The following MICAL2 variants were observed in gnomAD, a reference collection of about 807,000 sequenced individuals.
The protein encoded by MICAL2 is microtubule associated monooxygenase, calponin and LIM domain containing 2.
MICAL2 carries 77 observed loss-of-function variants against 127.3 expected under a neutral mutation model. The ratio of observed to expected loss-of-function variants is 0.60; its 90% CI spans 0.50 to 0.73. The LOEUF (loss-of-function observed/expected upper bound fraction) is 0.73, where lower values mean the gene tolerates loss of function less well. Among genes scored for constraint, MICAL2 ranks in the 30% least tolerant of loss-of-function variants. MICAL2 has a pLI of 0.00. For synonymous variants in MICAL2, 570 were observed against 551.1 expected, an observed-to-expected ratio of 1.03 and a Z score of -0.48; for missense variants, 1,351 against 1,434.4, an observed-to-expected ratio of 0.94 and a Z score of 0.94.
chr11:12,332,884 G>A (rs146800851), intron 32 of MICAL2, among the ~76,000 whole-genome samples: 2 of 152,160 alleles, frequency 1.3e-5, no homozygotes, highest in Non-Finnish European at 2.9e-5. Flanking sequence ...TCAGAGGATG[G>A]TAGGGCCTTG....
downstream of MICAL2, chr11:12,292,224 A>AT (rs1173410598): frequency 6.2e-7 from 1 of 1,613,774 alleles, no homozygotes; most frequent in Non-Finnish European, 8.5e-7. Flanking sequence ...TCGTCTTCCC[A>AT]TTCATCTTCC....
chr11:12,273,133 G>A (rs796124619), upstream of MICAL2, among the ~76,000 whole-genome samples: 16 of 152,334 alleles, frequency 1.1e-4, no homozygotes, highest in African/African-American at 3.6e-4. Flanking sequence ...TCACAGACAC[G>A]CAGACTGATC....
At chr11:12,164,287 T>C (rs1855207549) in intron 3 of MICAL2, among the ~76,000 whole-genome samples, 1 of 152,178 alleles carries the variant, frequency 6.6e-6, no homozygotes. Flanking sequence ...GCCCAGGAAT[T>C]TTTATGCCTG....
intron 8 of MICAL2, among the ~76,000 whole-genome samples, chr11:12,217,042 C>G (rs1856257945): frequency 6.6e-6 from 1 of 152,162 alleles, no homozygotes; most frequent in Admixed American, 6.6e-5. Context: ...CGACTTCATG[C>G]TTAAGCACGG....
At chr11:12,358,494 C>T (rs1241003274), downstream of MICAL2, 1 of 1,610,836 alleles carries the variant, frequency 6.2e-7, no homozygotes. Context: ...GCCCGTAGTC[C>T]CTCTCCCTGG....
At chr11:12,202,858 A>G (rs931902413) in intron 3 of MICAL2, among the ~76,000 whole-genome samples, 2 of 152,332 alleles carry the variant, frequency 1.3e-5, no homozygotes, top group Middle Eastern at 3.4e-3. Context: ...TATATTTACA[A>G]AGTTATGCAA....
intron 15 of MICAL2, 119 bp from the exon 16 acceptor site, chr11:12,236,058 G>A: frequency 1.3e-6 from 1 of 791,962 alleles, no homozygotes; most frequent in Non-Finnish European, 2.2e-6. Context: ...ACAGCTGTTT[G>A]TGGGCAGGGA....
intron 32 of MICAL2, among the ~76,000 whole-genome samples, chr11:12,340,860 A>G (rs1029265437): frequency 6.6e-6 from 1 of 152,240 alleles, no homozygotes; most frequent in African/African-American, 2.4e-5. Flanking sequence ...TACAGATTAA[A>G]ACAAAACAAA....
chr11:12,242,583 TGCCTCCCTCACCCACTTC>T lies in MICAL2; in HGVS notation c.2557-87_2557-70del, dbSNP rs1465950119. The stretch of plus-strand genomic sequence containing the variant: ...GTGGTGAGCAGGCAAGGCCCCCGGC[TGCCTCCCTCACCCACTTC>T]TTGGAAGCCAACTGTCTCAGTCTCT... On this transcript the variant is annotated intron_variant, in intron 19 of 27. Coordinates refer to ENST00000683283, the MANE Select transcript of MICAL2 (RefSeq NM_001282663.2). 3 of 1,451,438 alleles carry T rather than the reference TGCCTCCCTCACCCACTTC, an allele frequency of 2.1e-6. No individual in the cohort carries two copies. The African/African-American group carries it at 4.2e-5, about 20-fold the overall frequency. 89.9% of individuals were successfully genotyped at this position (1,451,438 alleles called of 1,614,324 possible). A position where few individuals can be genotyped will look rare whatever the true frequency, so the allele number is the denominator to read the frequency against.
chr11:12,222,813 G>T, intron 11 of MICAL2, 70 bp downstream of exon 11: 4 of 1,581,330 alleles, frequency 2.5e-6, no homozygotes, highest in Non-Finnish European at 3.4e-6. Flanking sequence ...GTGGGGAGGG[G>T]GTCACATTAA....
chr11:12,288,027 C>A (rs988258144), downstream of MICAL2, among the ~76,000 whole-genome samples: 2 of 152,224 alleles, frequency 1.3e-5, no homozygotes, highest in African/African-American at 4.8e-5. Context: ...TTCCTTCCTT[C>A]TGAGTCAAGG....
chr11:12,148,198 G>A (rs1435682160), intron 2 of MICAL2, among the ~76,000 whole-genome samples: 1 of 152,208 alleles, frequency 6.6e-6, no homozygotes, highest in Admixed American at 6.5e-5. Context: ...TGAATAGACT[G>A]TGAAGCTCCT....
intron 3 of MICAL2, among the ~76,000 whole-genome samples, chr11:12,166,047 G>A (rs570521283): frequency 3.3e-5 from 5 of 152,286 alleles, no homozygotes; most frequent in East Asian, 3.9e-4. Context: ...CACCTGACTC[G>A]AATGTTACAC....
chr11:12,299,809 A>C (rs2134801579), intron 29 of MICAL2, among the ~76,000 whole-genome samples: 1 of 152,324 alleles, frequency 6.6e-6, no homozygotes, highest in South Asian at 2.1e-4. Context: ...AGACTCCCTC[A>C]TGCTTTCTCC....
chr11:12,112,694 C>A (rs1849700175), intron 1 of MICAL2, among the ~76,000 whole-genome samples: 1 of 152,016 alleles, frequency 6.6e-6, no homozygotes, highest in Admixed American at 6.5e-5. Flanking sequence ...TTCTGCTCAT[C>A]CCCTCTTTCA....
downstream of MICAL2, among the ~76,000 whole-genome samples, chr11:12,295,164 G>A (rs1049518424): frequency 2.7e-5 from 4 of 146,640 alleles, no homozygotes; most frequent in Non-Finnish European, 5.9e-5. Flanking sequence ...TTTTGAGACA[G>A]AGTCTCACTC....
intron 3 of MICAL2, among the ~76,000 whole-genome samples, chr11:12,191,807 A>G (rs1434166667): frequency 6.6e-6 from 1 of 152,134 alleles, no homozygotes; most frequent in Non-Finnish European, 1.5e-5. Context: ...TTGGGTTATG[A>G]TAAGCACCAT....
chr11:12,180,334 T>C (rs1857288272), intron 3 of MICAL2, among the ~76,000 whole-genome samples: 1 of 86,884 alleles, frequency 1.2e-5, no homozygotes, highest in Admixed American at 1.2e-4. Flanking sequence ...TTTATATACA[T>C]GTATATATGT....
chr11:12,261,955 G>A (rs569674492), intron 26 of MICAL2: 79 of 989,256 alleles, frequency 8.0e-5, no homozygotes, highest in Non-Finnish European at 5.6e-5. Flanking sequence ...ATTATCTTCA[G>A]CTCAGGATAG....
Sources: gnomAD v4.1 joint callset for allele counts (sites outside exome capture counted in the v4.1 genomes callset) on GRCh38, gnomAD v4.1.1 for gene constraint, MANE v1.5 for transcripts, NCBI Gene and HGNC (gene_info 2026-07-23, HGNC 2026-07-21) for gene names.